NTNG2: variants seen among roughly 807,000 people sequenced by gnomAD.
NTNG2 encodes netrin G2, also known as netrin-G2.
In NTNG2, 15 loss-of-function variants were observed where a neutral mutation model predicts 47.6. The ratio of observed to expected loss-of-function variants is 0.32; its 90% CI spans 0.21 to 0.49. The LOEUF (loss-of-function observed/expected upper bound fraction) is 0.49, where lower values mean the gene tolerates loss of function less well. Ranked by LOEUF, NTNG2 falls within the 20% of genes least tolerant of loss-of-function variation. The pLI, the probability that NTNG2 is intolerant of heterozygous loss-of-function variation, is 0.99. For synonymous variants in NTNG2, 307 were observed against 324.6 expected (o/e 0.95, Z 0.58); for missense variants, 578 against 764.6 (o/e 0.76, Z 2.88).
rs545699953 is a variant in NTNG2 at position 132,217,536 on chromosome 9, G to A, written c.858-9313G>A. ...CTCATTTCCTTGTCTGTGAAATAGA[G>A]ATAGTCATAGTATACTCTGCATAAG... On this transcript the variant is annotated intron_variant, in intron 3 of 7. Coordinates refer to ENST00000393229, the MANE Select transcript of NTNG2 (RefSeq NM_032536.4). Among the ~76,000 whole-genome samples the A allele has an allele frequency of 4.6e-5, 7 of 152,342 alleles. No individual in the cohort carries two copies. The East Asian group carries it at 1.3e-3, about 29-fold the overall frequency.
chr9:132,192,131 C>G (rs1271199153), intron 2 of NTNG2, among the ~76,000 whole-genome samples: 1 of 152,132 alleles, frequency 6.6e-6, no homozygotes, highest in African/African-American at 2.4e-5. Flanking sequence ...CGCGCAGACC[C>G]AGAGGAGGCT....
chr9:132,171,139 G>A (rs1028331152), intron 2 of NTNG2, among the ~76,000 whole-genome samples: 3 of 152,144 alleles, frequency 2.0e-5, no homozygotes. Context: ...GCCAGTGGAA[G>A]GTTCCAGAGA....
intron 6 of NTNG2, among the ~76,000 whole-genome samples, chr9:132,240,051 G>C (rs1172899797): frequency 2.0e-5 from 3 of 152,258 alleles, no homozygotes; most frequent in Non-Finnish European, 2.9e-5. Flanking sequence ...GGTTGCCCCT[G>C]TCGTCAGTAG....
chr9:132,213,694 GT>G (rs34653212), intron 3 of NTNG2, among the ~76,000 whole-genome samples: 78,664 of 152,018 alleles, frequency 0.52, 20,689 homozygotes, highest in African/African-American at 0.6. Context: ...CATGAAAAAT[GT>G]TTTTTCCCAA....
rs1235544296 is a variant in NTNG2, at chr9:132,163,223, T to A, written c.-484+984T>A. Among the ~76,000 whole-genome samples the A allele has an allele frequency of 6.6e-6, 1 of 152,096 alleles. No homozygotes were observed. Among genetic ancestry groups the A allele is most frequent in the African/African-American group, 2.4e-5 (1 of 41,430 alleles). On this transcript the variant is annotated intron_variant, in intron 1 of 7. Transcript: ENST00000393229. The surrounding 1 kb of genome is among the most constrained non-coding windows in gnomAD (Gnocchi z 7.2). Reference sequence around the variant, plus strand: ...AGCTGCGGGGCTGCCGGGTCGTCGGTGTCCTAGGCACAGGGCTCGCAGCCG... The same window carrying A: ...AGCTGCGGGGCTGCCGGGTCGTCGGAGTCCTAGGCACAGGGCTCGCAGCCG...
At chr9:132,166,233 C>G (rs1041078100) in intron 1 of NTNG2, 116 bp from the exon 2 acceptor site, 1 of 159,616 alleles carries the variant, frequency 6.3e-6, no homozygotes, top group Non-Finnish European at 1.4e-5. Flanking sequence ...CCACCTTAAG[C>G]TCATATGAAA....
At chr9:132,209,148 T>C (rs927546600) in intron 3 of NTNG2, among the ~76,000 whole-genome samples, 5 of 152,176 alleles carry the variant, frequency 3.3e-5, no homozygotes, top group Non-Finnish European at 5.9e-5. Flanking sequence ...TAAACATTCG[T>C]GGAAAGGTTT....
At chr9:132,225,210 G>A (rs1395060472) in intron 3 of NTNG2, among the ~76,000 whole-genome samples, 1 of 145,486 alleles carries the variant, frequency 6.9e-6, no homozygotes, top group East Asian at 2.0e-4. Context: ...AACCACCATG[G>A]CTGGCCCTTT....
At chr9:132,241,760 T>C in intron 7 of NTNG2, 116 bp from the exon 8 acceptor site, 1 of 728,368 alleles carries the variant, frequency 1.4e-6, no homozygotes, top group Non-Finnish European at 2.1e-6. Flanking sequence ...TGGAGCCTCC[T>C]ACATCCCCGG....
chr9:132,218,110 G>A lies in NTNG2; in HGVS notation c.858-8739G>A, dbSNP rs914365150. On this transcript the variant is annotated intron_variant, in intron 3 of 7. Coordinates refer to ENST00000393229, the MANE Select transcript of NTNG2 (RefSeq NM_032536.4). The surrounding 1 kb of genome is among the most constrained non-coding windows in gnomAD (Gnocchi z 5.4). ...GCTAAGAATTTGTGCAGGCCACACA[G>A]CTGTGTGCACCATGAGCTGGGCAGA... Among the ~76,000 whole-genome samples the A allele has an allele frequency of 7.2e-5, 11 of 152,250 alleles. No homozygotes were observed. Among genetic ancestry groups the A allele is most frequent in the African/African-American group, 2.7e-4 (11 of 41,462 alleles).
At chr9:132,211,075 G>A (rs959888764) in intron 3 of NTNG2, among the ~76,000 whole-genome samples, 2 of 152,164 alleles carry the variant, frequency 1.3e-5, no homozygotes, top group African/African-American at 2.4e-5. Flanking sequence ...CACAGGGTGA[G>A]CGGAGGCCTC....
intron 3 of NTNG2, among the ~76,000 whole-genome samples, chr9:132,217,185 T>C (rs1159057224): frequency 6.6e-6 from 1 of 152,260 alleles, no homozygotes; most frequent in East Asian, 1.9e-4. Flanking sequence ...TCACGAGGAT[T>C]TGTTTAATAA....
chr9:132,227,506 C>T (rs1215676407), intron 4 of NTNG2, among the ~76,000 whole-genome samples: 1 of 152,194 alleles, frequency 6.6e-6, no homozygotes, highest in Non-Finnish European at 1.5e-5. Flanking sequence ...TCAGTAGCAT[C>T]ATCCCTGATC....
intron 3 of NTNG2, among the ~76,000 whole-genome samples, chr9:132,209,359 G>A (rs1032689933): frequency 2.0e-5 from 3 of 152,232 alleles, no homozygotes; most frequent in Non-Finnish European, 4.4e-5. Context: ...GGGCCTCTGA[G>A]TGTGAAGCGC....
chr9:132,171,286 G>C (rs1468691850), intron 2 of NTNG2, among the ~76,000 whole-genome samples: 1 of 152,176 alleles, frequency 6.6e-6, no homozygotes, highest in African/African-American at 2.4e-5. Flanking sequence ...TTCCCTATCT[G>C]TAAAAGGGGT....
chr9:132,211,898 G>A (rs1412751715), intron 3 of NTNG2, among the ~76,000 whole-genome samples: 1 of 152,202 alleles, frequency 6.6e-6, no homozygotes, highest in African/African-American at 2.4e-5. Flanking sequence ...AGGTAGGCGT[G>A]CTGTATATGT....
intron 2 of NTNG2, among the ~76,000 whole-genome samples, chr9:132,179,722 G>A (rs1836787302): frequency 6.6e-6 from 1 of 152,216 alleles, no homozygotes; most frequent in African/African-American, 2.4e-5. Context: ...AGCCAGGTCA[G>A]AGTGCAGATG....
At chr9:132,241,074 G>A in intron 7 of NTNG2, 30 bp downstream of exon 7, 1 of 1,567,556 alleles carries the variant, frequency 6.4e-7, no homozygotes, top group East Asian at 2.3e-5. Context: ...CGTGGGCGGG[G>A]CCTGCGGAAA....
chr9:132,201,268 G>T (rs1225616510), intron 3 of NTNG2, among the ~76,000 whole-genome samples: 1 of 152,258 alleles, frequency 6.6e-6, no homozygotes, highest in Non-Finnish European at 1.5e-5. Flanking sequence ...GCCTGAGGCT[G>T]CCTGGAGCCC....
Sources: allele counts gnomAD v4.1 joint callset (sites outside exome capture counted in the v4.1 genomes callset), GRCh38; gene constraint gnomAD v4.1.1; non-coding constraint Gnocchi (gnomAD v3.1); transcripts MANE v1.5; gene names NCBI Gene and HGNC (gene_info 2026-07-23, HGNC 2026-07-21).